Variants in GRIK2 observed in about 807,000 individuals in gnomAD.
GRIK2 encodes the protein glutamate receptor ionotropic, kainate 2.
GRIK2 carries 32 observed loss-of-function variants against 100.3 expected under a neutral mutation model. The observed-to-expected ratio is 0.32, with a 90% CI of 0.24 to 0.43. GRIK2 has a LOEUF of 0.43. Ranked by LOEUF, GRIK2 falls within the 20% of genes least tolerant of loss-of-function variation. The probability of loss-of-function intolerance (pLI) is 1.00; values close to 1 mark genes in which losing one functional copy is unlikely to be tolerated. For missense variants in GRIK2, 843 were observed against 1,114.9 expected, an observed-to-expected ratio of 0.76 and a Z score of 3.47; for synonymous variants, 417 against 389.4, an observed-to-expected ratio of 1.07 and a Z score of -0.83.
intron 12 of GRIK2, chr6:101,891,516 CAAAAAAAAAA>C (rs5878701): frequency 1.0e-4 from 20 of 198,364 alleles, no homozygotes; most frequent in Non-Finnish European, 8.2e-5. Context: ...GACTCCATCT[CAAAAAAAAAA>C]AAAAAAAAAA....
chr6:101,989,829 T>C (rs1444823758), intron 14 of GRIK2, among the ~76,000 whole-genome samples: 1 of 151,582 alleles, frequency 6.6e-6, no homozygotes, highest in Non-Finnish European at 1.5e-5. Flanking sequence ...TTAGTTTCTC[T>C]ATTTCCTTTG....
chr6:101,903,790 A>AG (rs1301453383), intron 12 of GRIK2, among the ~76,000 whole-genome samples: 2 of 151,122 alleles, frequency 1.3e-5, no homozygotes, highest in African/African-American at 4.9e-5. Flanking sequence ...GGAGCAAAAA[A>AG]AAAAATAATA....
chr6:101,572,600 G>C (rs1777589171), intron 2 of GRIK2, among the ~76,000 whole-genome samples: 1 of 151,874 alleles, frequency 6.6e-6, no homozygotes, highest in Non-Finnish European at 1.5e-5. Flanking sequence ...ATGTATTGTA[G>C]ATGTGTGTTC....
At chr6:101,724,590 A>G (rs1479711898) in intron 7 of GRIK2, among the ~76,000 whole-genome samples, 3 of 151,872 alleles carry the variant, frequency 2.0e-5, no homozygotes, top group African/African-American at 4.8e-5. Flanking sequence ...TACTCCATCC[A>G]CTATTGATAG....
At chr6:101,541,533 C>T (rs1263642139) in intron 2 of GRIK2, among the ~76,000 whole-genome samples, 1 of 151,970 alleles carries the variant, frequency 6.6e-6, no homozygotes, top group African/African-American at 2.4e-5. Flanking sequence ...ATTTCTGTCT[C>T]CCCAGTGATC....
chr6:101,797,629 A>T (rs1285949419), intron 7 of GRIK2, among the ~76,000 whole-genome samples: 1 of 147,920 alleles, frequency 6.8e-6, no homozygotes, highest in Non-Finnish European at 1.5e-5. Flanking sequence ...TTATCTGTAC[A>T]TATATTTATA....
chr6:101,647,200 C>A (rs563387136), intron 4 of GRIK2, among the ~76,000 whole-genome samples: 3 of 151,920 alleles, frequency 2.0e-5, no homozygotes, highest in Middle Eastern at 6.8e-3. Flanking sequence ...ATAACAGACA[C>A]AAAATGTAAA....
chr6:101,860,623 A>G (rs185061346), intron 11 of GRIK2, among the ~76,000 whole-genome samples: 4 of 152,304 alleles, frequency 2.6e-5, no homozygotes, highest in African/African-American at 9.6e-5. Context: ...AACAGGCAAA[A>G]TAAGGAAAGG....
In GRIK2 at chr6:101,399,066, C is replaced by T; in HGVS notation, c.-212C>T. 1 of 502,290 alleles carries T rather than the reference C, an allele frequency of 2.0e-6. No homozygotes were observed. Among genetic ancestry groups the T allele is most frequent in the Non-Finnish European group, 3.5e-6 (1 of 283,138 alleles). The allele number at this position is 502,290 out of a possible 1,614,324, so 31.1% of individuals were successfully genotyped here. A position where few individuals can be genotyped will look rare whatever the true frequency, so the allele number is the denominator to read the frequency against. On this transcript the variant is annotated 5_prime_UTR_variant, in exon 2 of 17. Coordinates refer to ENST00000369134, the MANE Select transcript of GRIK2 (RefSeq NM_021956.5). ...GACTAACATGGATGTCCCACCATTC[C>T]TTGCAGTGGAAGGTTGTTCCTTGGC...
At chr6:101,605,119 A>G (rs1779384875) in intron 2 of GRIK2, among the ~76,000 whole-genome samples, 2 of 151,960 alleles carry the variant, frequency 1.3e-5, no homozygotes, top group Admixed American at 1.3e-4. Flanking sequence ...CCACCTCTCA[A>G]CACAATGCAT....
chr6:101,772,891 T>C (rs1778495338), intron 7 of GRIK2, among the ~76,000 whole-genome samples: 1 of 152,110 alleles, frequency 6.6e-6, no homozygotes, highest in Admixed American at 6.5e-5. Flanking sequence ...ACTCACATAC[T>C]GTAAGTACTC....
At chr6:101,682,144 G>T (rs775251053) in intron 5 of GRIK2, among the ~76,000 whole-genome samples, 1 of 152,194 alleles carries the variant, frequency 6.6e-6, no homozygotes, top group Non-Finnish European at 1.5e-5. Context: ...TGTTGGCATT[G>T]TGTTTTGCAG....
intron 10 of GRIK2, among the ~76,000 whole-genome samples, chr6:101,856,988 G>T (rs1277223946): frequency 6.6e-6 from 1 of 152,050 alleles, no homozygotes; most frequent in East Asian, 1.9e-4. Context: ...GAAAAGTAAA[G>T]GCTTCTCTTC....
At position 101,799,802 on chromosome 6, in the gene GRIK2, A is replaced by G. The variant is rs763328933; in HGVS notation, c.1095+11A>G. 3.7e-5 allele frequency: 59 copies of G among 1,606,568 alleles called. No individual in the cohort carries two copies. The highest frequency in any genetic ancestry group is 4.8e-5 in the Non-Finnish European group (56 of 1,173,740). ...AGTCTAATTAAAGAGGTAAGTTAGG[A>G]GAAGAACATCTGCCTTGTCTCTTTT... On this transcript the variant is annotated intron_variant, in intron 8 of 16. Transcript: ENST00000369134.
intron 2 of GRIK2, among the ~76,000 whole-genome samples, chr6:101,445,361 C>T (rs886439245): frequency 7.7e-5 from 11 of 143,598 alleles, no homozygotes; most frequent in Non-Finnish European, 1.4e-4. Context: ...ATTCCATATC[C>T]GAGAACTATA....
intron 14 of GRIK2, among the ~76,000 whole-genome samples, chr6:102,021,366 T>A (rs991680649): frequency 3.3e-5 from 5 of 151,558 alleles, no homozygotes; most frequent in Non-Finnish European, 7.4e-5. Context: ...TTATTTTTAG[T>A]TTATCTGATA....
intron 2 of GRIK2, among the ~76,000 whole-genome samples, chr6:101,488,328 C>T (rs1772933748): frequency 1.4e-5 from 2 of 146,730 alleles, no homozygotes; most frequent in South Asian, 4.3e-4. Flanking sequence ...TCATAGGTTA[C>T]ATAGGCAGAG....
At chr6:101,554,480 T>C (rs2245817) in intron 2 of GRIK2, among the ~76,000 whole-genome samples, 138,216 of 152,204 alleles carry the variant, frequency 0.91, 62,844 homozygotes, top group East Asian at 0.93. Context: ...TGTGTTAGAG[T>C]GTCACTACCA....
chr6:102,039,111 C>G (rs1422197018), intron 15 of GRIK2, among the ~76,000 whole-genome samples: 1 of 151,344 alleles, frequency 6.6e-6, no homozygotes, highest in Non-Finnish European at 1.5e-5. Flanking sequence ...CTAATTGATT[C>G]ATTTAGGGGC....
Sources: allele counts gnomAD v4.1 joint callset (sites outside exome capture counted in the v4.1 genomes callset), GRCh38; gene constraint gnomAD v4.1.1; transcripts MANE v1.5; gene names NCBI Gene and HGNC (gene_info 2026-07-23, HGNC 2026-07-21).